The following RAB4B variants were observed in gnomAD, a reference collection of about 807,000 sequenced individuals.
RAB4B encodes ras-related protein Rab-4B.
A neutral mutation model predicts 28.3 loss-of-function variants in RAB4B; 15 were observed. That is an observed-to-expected ratio of 0.53 (90% CI 0.35 to 0.82). RAB4B has a LOEUF of 0.82. RAB4B is among the 40% of genes least tolerant of loss of function. RAB4B has a pLI of 0.01. For missense variants in RAB4B, 244 were observed against 288.5 expected, an observed-to-expected ratio of 0.85 and a Z score of 1.12; for synonymous variants, 108 against 116.3, an observed-to-expected ratio of 0.93 and a Z score of 0.46.
intron 5 of RAB4B, chr19:40,786,358 T>A (rs2604895): frequency 0.75 from 277,801 of 370,064 alleles, 105,412 homozygotes; most frequent in African/African-American, 0.87. Context: ...GCACAAGCAG[T>A]GGGGTCAGGG....
At chr19:40,781,823 C>T (rs1319765004) in intron 3 of RAB4B, among the ~76,000 whole-genome samples, 1 of 151,950 alleles carries the variant, frequency 6.6e-6, no homozygotes, top group Non-Finnish European at 1.5e-5. Flanking sequence ...AGATCGAGAC[C>T]ATCCTGGCTA....
At chr19:40,790,457 G>A (rs544858753) in intron 7 of RAB4B, among the ~76,000 whole-genome samples, 5 of 150,652 alleles carry the variant, frequency 3.3e-5, no homozygotes, top group East Asian at 3.9e-4. Flanking sequence ...TGCAAGCTCC[G>A]CCTCCTGGGT....
At chr19:40,787,020 G>C in intron 7 of RAB4B, 42 bp downstream of exon 7, 3 of 1,510,140 alleles carry the variant, frequency 2.0e-6, no homozygotes, top group Non-Finnish European at 2.7e-6. Context: ...CGGCCTCTTG[G>C]GCATGGGGGA....
intron 7 of RAB4B, among the ~76,000 whole-genome samples, chr19:40,787,961 CAAAAAAAA>C (rs56997006): frequency 3.2e-3 from 225 of 69,460 alleles, no homozygotes; most frequent in African/African-American, 0.011. Context: ...GACTCTGTCT[CAAAAAAAA>C]AAAAAAAAAA....
intron 7 of RAB4B, among the ~76,000 whole-genome samples, chr19:40,787,579 C>T (rs2083112834): frequency 7.2e-6 from 1 of 138,796 alleles, no homozygotes; most frequent in African/African-American, 2.6e-5. Flanking sequence ...TGGGGAGGCA[C>T]TGGGGGAGAG....
At chr19:40,791,640 A>T (rs1296652269) in intron 7 of RAB4B, among the ~76,000 whole-genome samples, 3 of 150,290 alleles carry the variant, frequency 2.0e-5, no homozygotes, top group African/African-American at 7.3e-5. Context: ...CTTGGTCCAA[A>T]CTTTTGTTTT....
At chr19:40,787,581 G>A (rs1295565924) in intron 7 of RAB4B, among the ~76,000 whole-genome samples, 1 of 149,380 alleles carries the variant, frequency 6.7e-6, no homozygotes, top group African/African-American at 2.4e-5. Context: ...GGGAGGCACT[G>A]GGGGAGAGGG....
At chr19:40,781,159 G>T (rs114794104) in intron 3 of RAB4B, among the ~76,000 whole-genome samples, 3,436 of 150,286 alleles carry the variant, frequency 0.023, 100 homozygotes, top group African/African-American at 0.066. Context: ...GCCAGGCTGT[G>T]GTGGTGGATG....
At position 40,779,106 on chromosome 19, in the gene RAB4B, T is replaced by G. The variant is rs574094613; in HGVS notation, c.16+715T>G. The G allele has an allele frequency of 7.2e-6, 6 of 829,834 alleles. No homozygotes were observed. The African/African-American group carries it at 1.1e-4, about 15-fold the overall frequency. 51.4% of individuals were successfully genotyped at this position (829,834 alleles called of 1,614,324 possible). A position where few individuals can be genotyped will look rare whatever the true frequency, so the allele number is the denominator to read the frequency against. Reference sequence around the variant, plus strand: ...GGAATAGACTGAAGGTCAGGAGCTATAGTGGAGTGAATGAGTCAGAGGGTG... The same window carrying G: ...GGAATAGACTGAAGGTCAGGAGCTAGAGTGGAGTGAATGAGTCAGAGGGTG... On this transcript the variant is annotated intron_variant, in intron 1 of 7. Coordinates refer to ENST00000357052, the MANE Select transcript of RAB4B (RefSeq NM_016154.5).
At chr19:40,791,807 A>G (rs532261685) in intron 7 of RAB4B, among the ~76,000 whole-genome samples, 1 of 151,952 alleles carries the variant, frequency 6.6e-6, no homozygotes, top group Non-Finnish European at 1.5e-5. Context: ...CAAAGTTTTT[A>G]TATTTTTAGT....
chr19:40,779,153 G>C (rs1293863336), intron 1 of RAB4B: 2 of 343,378 alleles, frequency 5.8e-6, no homozygotes, highest in African/African-American at 4.5e-5. Context: ...AGAGGAACAA[G>C]GGCTATATCG....
chr19:40,791,444 T>C (rs926018634), intron 7 of RAB4B, among the ~76,000 whole-genome samples: 2 of 152,110 alleles, frequency 1.3e-5, no homozygotes, highest in African/African-American at 2.4e-5. Context: ...GACTGGCCCC[T>C]GCCAGCCCAG....
At chr19:40,793,572 GTTTTTTT>G (rs373163247) in intron 7 of RAB4B, among the ~76,000 whole-genome samples, 1 of 125,414 alleles carries the variant, frequency 8.0e-6, no homozygotes, top group South Asian at 2.6e-4. Flanking sequence ...TTTCTTTTTT[GTTTTTTT>G]TTTTTTTTTT....
chr19:40,784,466 C>T lies in RAB4B; in HGVS notation c.430+391C>T, dbSNP rs115749406. ...TGTGATCACGCCATTGTACTCCAGTCTGGGAGACAGAGCAAGACACTGTCT... is the reference window on the plus strand; with the variant it reads ...TGTGATCACGCCATTGTACTCCAGTTTGGGAGACAGAGCAAGACACTGTCT... On this transcript the variant is annotated intron_variant, in intron 5 of 7. Coordinates refer to ENST00000357052, the MANE Select transcript of RAB4B (RefSeq NM_016154.5). Among the ~76,000 whole-genome samples, 709 of 152,048 alleles carry T rather than the reference C, an allele frequency of 4.7e-3. 6 individuals carry two copies. The highest frequency in any genetic ancestry group is 0.016 in the African/African-American group (669 of 41,514).
rs1392952408 is a variant in RAB4B at position 40,784,078 on chromosome 19, G to A, written c.430+3G>A. ...CTCCCGCTTTGCCCAGGAGAATGGT[G>A]AGGGCTGTGTCGTGGACCAGGTGGT... On this transcript the variant is annotated splice_donor_region_variant and intron_variant, in intron 5 of 7. Coordinates refer to ENST00000357052, the MANE Select transcript of RAB4B (RefSeq NM_016154.5). 1 of 1,608,120 alleles carries A rather than the reference G, an allele frequency of 6.2e-7. No homozygotes were observed. The highest frequency in any genetic ancestry group is 8.5e-7 in the Non-Finnish European group (1 of 1,175,802).
intron 5 of RAB4B, among the ~76,000 whole-genome samples, chr19:40,784,373 G>A (rs1433306346): frequency 6.6e-6 from 1 of 152,112 alleles, no homozygotes; most frequent in South Asian, 2.1e-4. Flanking sequence ...CATGGCTGTA[G>A]TCCCAGCTAC....
At chr19:40,778,763 G>A (rs1469624791) in intron 1 of RAB4B, among the ~76,000 whole-genome samples, 2 of 152,138 alleles carry the variant, frequency 1.3e-5, no homozygotes, top group Non-Finnish European at 2.9e-5. Flanking sequence ...CTGAATGGAA[G>A]CTCGGGACCC....
rs1284508297 is a variant in RAB4B, at chr19:40,784,025, C to G, written c.380C>G (p.Pro127Arg). ...ILCGNKKDLD[P>R]EREVTFLEAS... ...TGTGGCAACAAGAAGGACCTGGACC[C>G]TGAGCGGGAGGTCACTTTCCTGGAG... is the stretch of plus-strand genomic sequence containing the variant. Residue 127 changes from proline to arginine, a missense_variant, in exon 5 of 8, where the codon CCT becomes CGT. Transcript: ENST00000357052. 1 of 1,614,076 alleles carries G rather than the reference C, an allele frequency of 6.2e-7. No homozygotes were observed. The highest frequency in any genetic ancestry group is 1.7e-5 in the Admixed American group (1 of 60,018).
At chr19:40,793,839 G>A (rs2083183385) in intron 7 of RAB4B, among the ~76,000 whole-genome samples, 1 of 151,594 alleles carries the variant, frequency 6.6e-6, no homozygotes, top group Admixed American at 6.6e-5. Flanking sequence ...CAGAGGAATA[G>A]CTTGATCCCT....
Sources: gnomAD v4.1 joint callset for allele counts (sites outside exome capture counted in the v4.1 genomes callset) on GRCh38, gnomAD v4.1.1 for gene constraint, MANE v1.5 for transcripts, NCBI Gene and HGNC (gene_info 2026-07-23, HGNC 2026-07-21) for gene names.